Variants in NNT observed in about 807,000 individuals in gnomAD.
NNT encodes the protein NAD(P) transhydrogenase, mitochondrial.
Under a neutral mutation model 104.8 loss-of-function variants are expected in NNT, and 50 were observed. That is an observed-to-expected ratio of 0.48 (90% CI 0.38 to 0.60). NNT has a LOEUF of 0.60. Among genes scored for constraint, NNT ranks in the 20% least tolerant of loss-of-function variants. The probability of loss-of-function intolerance (pLI) is 0.00; values close to 1 mark genes in which losing one functional copy is unlikely to be tolerated. For missense variants in NNT, 1,131 were observed against 1,330.7 expected (o/e 0.85, Z 2.33); for synonymous variants, 461 against 490.4 (o/e 0.94, Z 0.79).
At chr5:43,621,619 G>A (rs1371089635) in intron 5 of NNT, among the ~76,000 whole-genome samples, 1 of 151,802 alleles carries the variant, frequency 6.6e-6, no homozygotes, top group African/African-American at 2.4e-5. Flanking sequence ...ACTCCAGGCT[G>A]ATCTGGAACT....
chr5:43,612,561 T>C (rs905844911), intron 2 of NNT, among the ~76,000 whole-genome samples: 7 of 152,294 alleles, frequency 4.6e-5, no homozygotes, highest in African/African-American at 1.7e-4. Context: ...GACCATAACC[T>C]TGCCCTTAGT....
chr5:43,619,641 G>T (rs1341385553), intron 5 of NNT, among the ~76,000 whole-genome samples: 1 of 152,150 alleles, frequency 6.6e-6, no homozygotes, highest in African/African-American at 2.4e-5. Flanking sequence ...GAGAGGTGAC[G>T]ATGGCTTGCT....
intron 17 of NNT, among the ~76,000 whole-genome samples, chr5:43,662,521 A>G (rs1740424412): frequency 1.3e-5 from 2 of 152,138 alleles, no homozygotes; most frequent in African/African-American, 4.8e-5. Context: ...AATTATTCCG[A>G]TAGCTGCCTG....
At chr5:43,610,435 C>T (rs1749444803) in intron 2 of NNT, among the ~76,000 whole-genome samples, 1 of 152,006 alleles carries the variant, frequency 6.6e-6, no homozygotes, top group South Asian at 2.1e-4. Flanking sequence ...GAGACTTGGA[C>T]ATTTTGTCTT....
At chr5:43,637,131 G>A (rs7713458) in intron 7 of NNT, among the ~76,000 whole-genome samples, 21,973 of 151,946 alleles carry the variant, frequency 0.14, 2,394 homozygotes, top group African/African-American at 0.3. Flanking sequence ...CTGCTTGACT[G>A]TTTAAGCTTG....
chr5:43,680,044 A>T (rs1741619657), intron 19 of NNT, among the ~76,000 whole-genome samples: 1 of 151,950 alleles, frequency 6.6e-6, no homozygotes, highest in Non-Finnish European at 1.5e-5. Flanking sequence ...TTCAACATGA[A>T]CTTTGTAACA....
intron 20 of NNT, among the ~76,000 whole-genome samples, chr5:43,701,003 T>C (rs1306338341): frequency 6.6e-6 from 1 of 152,238 alleles, no homozygotes; most frequent in Admixed American, 6.5e-5. Context: ...GATTCCACTG[T>C]TGTTAAATTA....
At chr5:43,663,113 A>G (rs1227904435) in intron 17 of NNT, among the ~76,000 whole-genome samples, 1 of 152,006 alleles carries the variant, frequency 6.6e-6, no homozygotes, top group Non-Finnish European at 1.5e-5. Context: ...TTAATGTTTA[A>G]TTTTCTAATA....
chr5:43,700,201 G>T lies in NNT; in HGVS notation c.2959G>T (p.Val987Leu). The change falls in exon 20 of 22, where the codon GTG (valine) becomes TTG (leucine). Residue 987 changes from valine to leucine, a missense_variant. By Grantham distance (32) the Val-to-Leu change is conservative (BLOSUM62 1). Coordinates refer to ENST00000344920, the MANE Select transcript of NNT (RefSeq NM_182977.3). ...TGAGGCTGGTGTGCCATATGACATT[G>T]TGTTGGAAATGGATGAGATCAACCA... ...LAEAGVPYDI[V>L]LEMDEINHDF... 6.2e-7 allele frequency: 1 copy of T among 1,613,686 alleles called. No individual in the cohort carries two copies. Among genetic ancestry groups the T allele is most frequent in the Non-Finnish European group, 8.5e-7 (1 of 1,179,748 alleles).
chr5:43,649,683 TC>T (rs1054452711), intron 11 of NNT, among the ~76,000 whole-genome samples: 2 of 151,942 alleles, frequency 1.3e-5, no homozygotes, highest in African/African-American at 4.8e-5. Flanking sequence ...TGGATTCAAC[TC>T]AGCATTCAGC....
intron 19 of NNT, among the ~76,000 whole-genome samples, chr5:43,685,221 AT>A (rs1741921797): frequency 6.6e-6 from 1 of 152,084 alleles, no homozygotes; most frequent in Admixed American, 6.6e-5. Context: ...CCTTCTTTTT[AT>A]TTTCTGTTTA....
chr5:43,609,324 G>C lies in NNT; in HGVS notation c.129G>C (p.Trp43Cys), dbSNP rs150553451. The C allele has an allele frequency of 1.5e-4, 241 of 1,613,928 alleles. No individual in the cohort carries two copies. Among genetic ancestry groups the C allele is most frequent in the Non-Finnish European group, 2.8e-5 (33 of 1,179,970 alleles). The change falls in exon 2 of 22, where the codon TGG becomes TGC. Residue 43 changes from tryptophan (W) to cysteine (C), a missense_variant. Transcript: ENST00000344920. ...CATTTTATACTCACCAAGAACTGTG[G>C]TGTAAAGCGCCTGTAAAACCAGGTA... ...LRTFYTHQEL[W>C]CKAPVKPGIP...
rs576198273 is a variant in NNT, at chr5:43,683,460, A to G, written c.2876+5654A>G. Among the ~76,000 whole-genome samples, 5 of 152,322 alleles carry G rather than the reference A, an allele frequency of 3.3e-5. No homozygotes were observed. In the South Asian group the frequency reaches 8.3e-4, roughly 25 times the overall value. ...CATACCACTCTAGGATGCATTCCTT[A>G]TAAACTCTTGTCACAGGCATTCCTG... On this transcript the variant is annotated intron_variant, in intron 19 of 21. Coordinates refer to ENST00000344920, the MANE Select transcript of NNT (RefSeq NM_182977.3).
At chr5:43,637,631 C>T (rs745925113) in intron 7 of NNT, among the ~76,000 whole-genome samples, 3 of 152,280 alleles carry the variant, frequency 2.0e-5, no homozygotes, top group Non-Finnish European at 4.4e-5. Context: ...ATCCTCAGTG[C>T]TGTGCAGAAG....
intron 1 of NNT, among the ~76,000 whole-genome samples, chr5:43,606,562 T>G (rs1749235016): frequency 6.6e-6 from 1 of 152,216 alleles, no homozygotes; most frequent in African/African-American, 2.4e-5. Context: ...TCTGTCCAAA[T>G]GCAAATAATT....
intron 19 of NNT, among the ~76,000 whole-genome samples, chr5:43,690,389 C>T (rs186890240): frequency 5.3e-5 from 8 of 152,218 alleles, no homozygotes; most frequent in East Asian, 1.9e-4. Flanking sequence ...TGTAGAACAA[C>T]GATTCTTAGT....
chr5:43,665,399 G>A (rs1652414560), intron 17 of NNT, among the ~76,000 whole-genome samples: 1 of 151,958 alleles, frequency 6.6e-6, no homozygotes, highest in Admixed American at 6.6e-5. Flanking sequence ...CAGTGTTTGT[G>A]TCCCTGGGTA....
intron 6 of NNT, among the ~76,000 whole-genome samples, chr5:43,626,957 A>T (rs1287913064): frequency 6.6e-6 from 1 of 152,150 alleles, no homozygotes; most frequent in African/African-American, 2.4e-5. Flanking sequence ...AGCTTTTTAA[A>T]GAACTATATC....
At chr5:43,656,512 T>A (rs1001237551) in intron 15 of NNT, 141 bp from the exon 16 acceptor site, 4 of 704,508 alleles carry the variant, frequency 5.7e-6, no homozygotes, top group Non-Finnish European at 6.6e-6. Flanking sequence ...AGGGACTAGT[T>A]GACTTTTGAT....
Sources: gnomAD v4.1 joint callset for allele counts (sites outside exome capture counted in the v4.1 genomes callset) on GRCh38, gnomAD v4.1.1 for gene constraint, MANE v1.5 for transcripts, NCBI Gene and HGNC (gene_info 2026-07-23, HGNC 2026-07-21) for gene names.